The following THAP4 variants were observed in gnomAD, a reference collection of about 807,000 sequenced individuals.
The protein encoded by THAP4 is THAP domain containing 4.
A neutral mutation model predicts 48.1 loss-of-function variants in THAP4; 18 were observed. The ratio of observed to expected loss-of-function variants is 0.37; its 90% CI spans 0.26 to 0.56. The LOEUF (loss-of-function observed/expected upper bound fraction) is 0.56. THAP4 is among the 20% of genes least tolerant of loss of function. The pLI is 0.78. For missense variants in THAP4, 656 were observed against 774.9 expected, an observed-to-expected ratio of 0.85 and a Z score of 1.82; for synonymous variants, 345 against 324.9, an observed-to-expected ratio of 1.06 and a Z score of -0.66.
At chr2:241,585,930 G>GAAAAAAAAAAAAAAAAAAAAAAAAAAAA (rs1247935159) in intron 5 of THAP4, among the ~76,000 whole-genome samples, 1 of 108,994 alleles carries the variant, frequency 9.2e-6, no homozygotes, top group Non-Finnish European at 1.8e-5. Flanking sequence ...AAAAAAAAAA[G>GAAAAAAAAAAAAAAAAAAAAAAAAAAAA]AAAAAAAAAA....
rs747709869 is a variant in THAP4, at chr2:241,633,715, C to T, written c.442G>A (p.Ala148Thr). The change falls in exon 2 of 6, where the codon GCT becomes ACT. Residue 148 changes from alanine to threonine, a missense_variant. Ala to Thr is a moderately conservative substitution (Grantham distance 58). Transcript: ENST00000407315. This position sits in a 1 kb window ranked among gnomAD's most constrained non-coding sequence, Gnocchi z 7.5. ...KPESRRLKQA[A>T]LQGEATPRAA... ...CTGGGTGTGGCTTCACCTTGCAGAG[C>T]AGCTTGCTTCAACCTGCGGGACTCT... 6.2e-7 allele frequency: 1 copy of T among 1,611,786 alleles called. No homozygotes were observed.
At chr2:241,627,266 T>TAAAAAA (rs2067505290) in intron 2 of THAP4, among the ~76,000 whole-genome samples, 1 of 152,216 alleles carries the variant, frequency 6.6e-6, no homozygotes, top group Non-Finnish European at 1.5e-5. Context: ...AAGAATTATA[T>TAAAAAA]GTAGATAATG....
intron 2 of THAP4, among the ~76,000 whole-genome samples, chr2:241,628,927 A>G (rs1448780269): frequency 1.4e-5 from 1 of 73,190 alleles, no homozygotes; most frequent in East Asian, 8.1e-4. Context: ...GATTGTCTCA[A>G]AAAAAAAAAA....
Position 241,612,806 on chromosome 2 carries a change from G to A in THAP4, c.1241-6333C>T, listed in dbSNP as rs1486637224. Among the ~76,000 whole-genome samples, 1 of 152,204 alleles carries A rather than the reference G, an allele frequency of 6.6e-6. No individual in the cohort carries two copies. Among genetic ancestry groups the A allele is most frequent in the Non-Finnish European group, 1.5e-5 (1 of 68,034 alleles). ...GAGTCACACGTAGAAGGCGCATGAG[G>A]AGGGAAGGTGAGTGGCAAGGATGCT... is the stretch of plus-strand genomic sequence containing the variant. On this transcript the variant is annotated intron_variant, in intron 2 of 5. Coordinates refer to ENST00000407315, the MANE Select transcript of THAP4 (RefSeq NM_015963.6). This position sits in a 1 kb window ranked among gnomAD's most constrained non-coding sequence, Gnocchi z 4.1.
chr2:241,613,499 A>T (rs188811693), intron 2 of THAP4, among the ~76,000 whole-genome samples: 285 of 152,290 alleles, frequency 1.9e-3, no homozygotes, highest in Non-Finnish European at 2.6e-3. Flanking sequence ...CATATCTGTA[A>T]TCCCAGCCCT....
intron 1 of THAP4, among the ~76,000 whole-genome samples, chr2:241,635,622 T>C (rs2067627408): frequency 6.6e-6 from 1 of 151,634 alleles, no homozygotes; most frequent in Admixed American, 6.6e-5. Flanking sequence ...ACAAAAAAAT[T>C]AGACAGGCGT....
At chr2:241,608,854 T>A (rs1324029962) in intron 2 of THAP4, among the ~76,000 whole-genome samples, 1 of 152,186 alleles carries the variant, frequency 6.6e-6, no homozygotes, top group Admixed American at 6.5e-5. Flanking sequence ...CTGAGAAGTG[T>A]GCACAGACCA....
intron 5 of THAP4, among the ~76,000 whole-genome samples, chr2:241,586,609 C>T (rs1382968955): frequency 1.3e-5 from 2 of 152,146 alleles, no homozygotes; most frequent in African/African-American, 4.8e-5. Context: ...GATACCAATA[C>T]TGGAGTTATT....
chr2:241,602,754 G>A (rs1350484888), intron 4 of THAP4, among the ~76,000 whole-genome samples: 2 of 152,222 alleles, frequency 1.3e-5, no homozygotes, highest in Admixed American at 6.5e-5. Context: ...ATGGTCAGGG[G>A]GCTGCACGCA....
intron 5 of THAP4, among the ~76,000 whole-genome samples, chr2:241,593,685 TTATTTCATG>T (rs1420523086): frequency 6.6e-6 from 1 of 152,160 alleles, no homozygotes; most frequent in Non-Finnish European, 1.5e-5. Flanking sequence ...CAATTCAGTA[TTATTTCATG>T]TATTTATTTT....
chr2:241,589,420 G>T (rs149387172), intron 5 of THAP4, among the ~76,000 whole-genome samples: 2 of 152,006 alleles, frequency 1.3e-5, no homozygotes, highest in Admixed American at 1.3e-4. Flanking sequence ...TAAACAAATG[G>T]GCAAAAAATC....
intron 2 of THAP4, among the ~76,000 whole-genome samples, chr2:241,618,410 T>C (rs149779724): frequency 2.0e-4 from 31 of 152,320 alleles, no homozygotes; most frequent in African/African-American, 7.2e-4. Flanking sequence ...ACAAGTGAAT[T>C]TGATAAGATG....
In THAP4 at chr2:241,625,407, T is replaced by C. The variant is rs1415583162; in HGVS notation, c.1240+7510A>G. On this transcript the variant is annotated intron_variant, in intron 2 of 5. Coordinates refer to ENST00000407315, the MANE Select transcript of THAP4 (RefSeq NM_015963.6). ...GGTGGGTCACCTGAGCCGAGGAGGT[T>C]GAGGCAGCAGTGAGCCGAGGTCACA... 2.7e-5 allele frequency among the ~76,000 whole-genome samples: 4 copies of C among 148,968 alleles called. No individual in the cohort carries two copies. The East Asian group carries it at 5.9e-4, about 22-fold the overall frequency.
At chr2:241,617,389 C>G (rs1057505834) in intron 2 of THAP4, 11 of 1,503,544 alleles carry the variant, frequency 7.3e-6, no homozygotes, top group Non-Finnish European at 8.2e-6. Context: ...TGTTTTGGCC[C>G]AAGACACTGA....
In THAP4 at chr2:241,610,093, G is replaced by C. The variant is rs951037108; in HGVS notation, c.1241-3620C>G. On this transcript the variant is annotated intron_variant, in intron 2 of 5. Coordinates refer to ENST00000407315, the MANE Select transcript of THAP4 (RefSeq NM_015963.6). This position sits in a 1 kb window ranked among gnomAD's most constrained non-coding sequence, Gnocchi z 4.2. Reference sequence around the variant, plus strand: ...GGCCCCTGGGTCCCGAGGGCCCCGAGGAAGAGGCCAAGGGGCCTGGCGGCG... The same window carrying C: ...GGCCCCTGGGTCCCGAGGGCCCCGACGAAGAGGCCAAGGGGCCTGGCGGCG... Among the ~76,000 whole-genome samples, 1 of 152,206 alleles carries C rather than the reference G, an allele frequency of 6.6e-6. No homozygotes were observed. The highest frequency in any genetic ancestry group is 1.9e-4 in the East Asian group (1 of 5,182).
rs1183255217 is a variant in THAP4 at position 241,637,087 on chromosome 2, A to G, written c.-70T>C. 10 of 1,034,942 alleles carry G rather than the reference A, an allele frequency of 9.7e-6. No individual in the cohort carries two copies. The highest frequency in any genetic ancestry group is 1.0e-5 in the Non-Finnish European group (9 of 865,164). 64.1% of individuals were successfully genotyped at this position (1,034,942 alleles called of 1,614,324 possible). A position where few individuals can be genotyped will look rare whatever the true frequency, so the allele number is the denominator to read the frequency against. On this transcript the variant is annotated 5_prime_UTR_variant, in exon 1 of 6. Transcript: ENST00000407315. ...GCCCGCCCGCCCGCGGACCGCCCCG[A>G]GGGAGGGAGCGCGGCGGCGACACGG...
chr2:241,587,239 G>A (rs986878553), intron 5 of THAP4, among the ~76,000 whole-genome samples: 3 of 152,172 alleles, frequency 2.0e-5, no homozygotes, highest in Non-Finnish European at 4.4e-5. Context: ...TAGGCTGGGG[G>A]CCCAGATAAA....
In THAP4 at chr2:241,584,617, CCTT is replaced by C; in HGVS notation, c.1720_1722del (p.Lys574del). 6.2e-7 allele frequency: 1 copy of C among 1,614,142 alleles called. No homozygotes were observed. Among genetic ancestry groups the C allele is most frequent in the Non-Finnish European group, 8.5e-7 (1 of 1,180,030 alleles). On this transcript the variant is annotated inframe_deletion, in exon 6 of 6. Coordinates refer to ENST00000407315, the MANE Select transcript of THAP4 (RefSeq NM_015963.6). ...CAGAAGCTCTAGGTTTACGGGGTCA[CCTT>C]CTTGTAGGTGACGTGAAGATGCTGA... is the stretch of plus-strand genomic sequence containing the variant.
At chr2:241,631,960 T>C (rs1011322328) in intron 2 of THAP4, among the ~76,000 whole-genome samples, 25 of 151,802 alleles carry the variant, frequency 1.6e-4, no homozygotes, top group Admixed American at 1.1e-3. Flanking sequence ...CAAAGAGTAG[T>C]GCAGTGGTGC....
Sources: allele counts gnomAD v4.1 joint callset (sites outside exome capture counted in the v4.1 genomes callset), GRCh38; gene constraint gnomAD v4.1.1; non-coding constraint Gnocchi (gnomAD v3.1); transcripts MANE v1.5; gene names NCBI Gene and HGNC (gene_info 2026-07-23, HGNC 2026-07-21).